MCUB: variants seen among roughly 807,000 people sequenced by gnomAD.
The protein encoded by MCUB is calcium uniporter regulatory subunit MCUb, mitochondrial.
Under a neutral mutation model 41.4 loss-of-function variants are expected in MCUB, and 46 were observed. That is an observed-to-expected ratio of 1.11 (90% CI 0.88 to 1.42). The LOEUF is 1.42. Among genes scored for constraint, MCUB ranks in the 40% most tolerant of loss-of-function variants. MCUB has a pLI of 0.00. For missense variants in MCUB, 403 were observed against 404.9 expected, an observed-to-expected ratio of 1.00 and a Z score of 0.04; for synonymous variants, 148 against 148.2, an observed-to-expected ratio of 1.00 and a Z score of 0.01.
chr4:109,601,544 T>C (rs1727744404), intron 1 of MCUB, among the ~76,000 whole-genome samples: 1 of 152,216 alleles, frequency 6.6e-6, no homozygotes, highest in Admixed American at 6.5e-5. Context: ...TCTCCATTTC[T>C]ATTCATGTTG....
At chr4:109,597,274 G>A (rs1486650068) in intron 1 of MCUB, among the ~76,000 whole-genome samples, 27 of 152,066 alleles carry the variant, frequency 1.8e-4, no homozygotes, top group Non-Finnish European at 2.6e-4. Context: ...GGTGGTGGCC[G>A]GGCAGAGGGG....
chr4:109,658,279 T>C (rs1579087502), intron 1 of MCUB, among the ~76,000 whole-genome samples: 1 of 152,302 alleles, frequency 6.6e-6, no homozygotes, highest in Non-Finnish European at 1.5e-5. Flanking sequence ...TCAGTACATC[T>C]GGTCTGAATC....
At chr4:109,598,578 A>C (rs1318990161) in intron 1 of MCUB, among the ~76,000 whole-genome samples, 2 of 150,056 alleles carry the variant, frequency 1.3e-5, no homozygotes, top group South Asian at 4.2e-4. Flanking sequence ...CATGAGAGGG[A>C]GACCGTGGAA....
At chr4:109,617,943 C>G (rs1728166770) in intron 1 of MCUB, among the ~76,000 whole-genome samples, 1 of 152,126 alleles carries the variant, frequency 6.6e-6, no homozygotes. Context: ...CCTGGGAAGT[C>G]TTGTTTTCAC....
At chr4:109,592,287 G>T (rs946017528) in intron 1 of MCUB, among the ~76,000 whole-genome samples, 1 of 151,586 alleles carries the variant, frequency 6.6e-6, no homozygotes, top group Admixed American at 6.6e-5. Context: ...GCGTGTACCT[G>T]CAATCCCAGC....
rs149488158 is a variant in MCUB at position 109,585,768 on chromosome 4, A to G, written c.99+25332A>G. On this transcript the variant is annotated intron_variant, in intron 1 of 7. Transcript: ENST00000394650. ...AAATTCTTTTCTTTAAGAATGTTGA[A>G]TATTGGCCCCCACTGTTTTCTGGCT... Among the ~76,000 whole-genome samples the G allele has an allele frequency of 2.9e-3, 437 of 152,342 alleles. 5 individuals carry two copies. The highest frequency in any genetic ancestry group is 0.01 in the African/African-American group (423 of 41,572).
chr4:109,618,057 TCA>T (rs955501759), intron 1 of MCUB, among the ~76,000 whole-genome samples: 10 of 152,216 alleles, frequency 6.6e-5, no homozygotes, highest in Non-Finnish European at 1.3e-4. Context: ...TCTTACAAAT[TCA>T]GACTCACCTT....
In MCUB at chr4:109,597,705, T is replaced by C. The variant is rs772352405; in HGVS notation, c.99+37269T>C. 6.4e-3 allele frequency among the ~76,000 whole-genome samples: 735 copies of C among 114,178 alleles called. 2 individuals carry two copies. The highest frequency in any genetic ancestry group is 7.7e-3 in the Non-Finnish European group (420 of 54,636). The allele number at this position is 114,178 out of a possible 152,430, so 74.9% of individuals were successfully genotyped here. Reference sequence around the variant, plus strand: ...GGGGGCTGACCCCCCACCTCCCTCCTGGACGGGGCGGCTGGCCGGGCGGGG... The same window carrying C: ...GGGGGCTGACCCCCCACCTCCCTCCCGGACGGGGCGGCTGGCCGGGCGGGG... On this transcript the variant is annotated intron_variant, in intron 1 of 7. Transcript: ENST00000394650.
intron 1 of MCUB, among the ~76,000 whole-genome samples, chr4:109,589,409 G>A (rs1727380638): frequency 6.6e-6 from 1 of 152,214 alleles, no homozygotes; most frequent in Non-Finnish European, 1.5e-5. Context: ...AACCCAGGAA[G>A]TGCTTCCCGT....
chr4:109,623,610 A>G (rs995907121), intron 1 of MCUB, among the ~76,000 whole-genome samples: 1 of 152,228 alleles, frequency 6.6e-6, no homozygotes, highest in Non-Finnish European at 1.5e-5. Context: ...TAAGGCATTC[A>G]GACTGTGTAT....
intron 1 of MCUB, among the ~76,000 whole-genome samples, chr4:109,565,961 C>A (rs1430615982): frequency 6.6e-6 from 1 of 151,616 alleles, no homozygotes; most frequent in Admixed American, 6.6e-5. Flanking sequence ...CCTCACCCTC[C>A]GAAAGTAGCT....
intron 3 of MCUB, 113 bp downstream of exon 3, chr4:109,660,478 T>C (rs1729205981): frequency 1.8e-6 from 1 of 554,130 alleles, no homozygotes; most frequent in African/African-American, 1.9e-5. Context: ...AGATAATAAA[T>C]GGTTGGTCTT....
chr4:109,582,198 T>TA lies in MCUB; in HGVS notation c.99+21768dup, dbSNP rs528349181. Among the ~76,000 whole-genome samples, 879 of 151,578 alleles carry TA rather than the reference T, an allele frequency of 5.8e-3. 28 individuals are homozygous for TA. The South Asian group carries it at 0.072, about 12-fold the overall frequency. ...TACACCATGGAATACTATGCAGCCA[T>TA]AAAAAAGGATGAGTTCATGTCCTTT... On this transcript the variant is annotated intron_variant, in intron 1 of 7. Transcript: ENST00000394650.
Position 109,687,522 on chromosome 4 carries a change from A to G in MCUB, c.941A>G (p.Glu314Gly). 6.2e-7 allele frequency: 1 copy of G among 1,611,004 alleles called. No homozygotes were observed. The highest frequency in any genetic ancestry group is 8.5e-7 in the Non-Finnish European group (1 of 1,177,592). ...KLKEDLAKAK[E>G]SLKQARHSLC... is the part of the protein sequence containing the mutation. ...TTCTTTTTCCCATGACAGGCTAAAG[A>G]ATCCCTGAAACAGGCGCGTCATTCT... The change falls in exon 8 of 8, where the codon GAA (glutamate) becomes GGA (glycine). Residue 314 changes from glutamate to glycine, a missense_variant. By Grantham distance (98) the Glu-to-Gly change is moderately conservative. Coordinates refer to ENST00000394650, the MANE Select transcript of MCUB (RefSeq NM_017918.5).
chr4:109,591,970 G>A (rs917542435), intron 1 of MCUB, among the ~76,000 whole-genome samples: 1 of 152,028 alleles, frequency 6.6e-6, no homozygotes, highest in Non-Finnish European at 1.5e-5. Context: ...TAAGTGCTAG[G>A]ATTACAGGCG....
intron 1 of MCUB, among the ~76,000 whole-genome samples, chr4:109,565,793 C>CT (rs1357114476): frequency 6.6e-6 from 1 of 151,002 alleles, no homozygotes; most frequent in Admixed American, 6.6e-5. Flanking sequence ...GAGACTTACT[C>CT]TAATTCATTA....
At chr4:109,659,928 G>A (rs1407748765) in intron 2 of MCUB, among the ~76,000 whole-genome samples, 2 of 152,204 alleles carry the variant, frequency 1.3e-5, no homozygotes, top group African/African-American at 4.8e-5. Context: ...AAAGTGCTGG[G>A]ATTACAGGCA....
At chr4:109,633,842 G>C (rs1284172300) in intron 1 of MCUB, among the ~76,000 whole-genome samples, 1 of 152,010 alleles carries the variant, frequency 6.6e-6, no homozygotes. Context: ...AAAAAAATTG[G>C]TATATGTTCT....
intron 1 of MCUB, among the ~76,000 whole-genome samples, chr4:109,571,580 A>G (rs1003528046): frequency 1.3e-5 from 2 of 152,122 alleles, no homozygotes; most frequent in East Asian, 1.9e-4. Flanking sequence ...CCCAAAGTGC[A>G]GGGATTACAG....
Sources: gnomAD v4.1 joint callset for allele counts (sites outside exome capture counted in the v4.1 genomes callset) on GRCh38, gnomAD v4.1.1 for gene constraint, MANE v1.5 for transcripts, NCBI Gene and HGNC (gene_info 2026-07-23, HGNC 2026-07-21) for gene names.